PCDHGA3: variants seen among roughly 807,000 people sequenced by gnomAD.
PCDHGA3 encodes the protein protocadherin gamma subfamily A, 3.
PCDHGA3 carries 40 observed loss-of-function variants against 58.5 expected under a neutral mutation model. The ratio of observed to expected loss-of-function variants is 0.68; its 90% CI spans 0.53 to 0.89. The LOEUF (loss-of-function observed/expected upper bound fraction) is 0.89. Among genes scored for constraint, PCDHGA3 ranks in the 40% least tolerant of loss-of-function variants. The pLI, the probability that PCDHGA3 is intolerant of heterozygous loss-of-function variation, is 0.00. For synonymous variants in PCDHGA3, 530 were observed against 525.7 expected, an observed-to-expected ratio of 1.01 and a Z score of -0.11; for missense variants, 1,223 against 1,195.9, an observed-to-expected ratio of 1.02 and a Z score of -0.33.
rs754329108 is a variant in PCDHGA3 at position 141,408,309 on chromosome 5, C to T, written c.2424+61852C>T. 1.8e-5 allele frequency: 29 copies of T among 1,613,698 alleles called. No individual in the cohort carries two copies. The highest frequency in any genetic ancestry group is 2.0e-5 in the Non-Finnish European group (24 of 1,179,730). On this transcript the variant is annotated intron_variant, in intron 1 of 3. Transcript: ENST00000253812. ...ACCCTGAGTGAGCCGATCCGCTACT[C>T]GATTCCGGAGGAGCTGGCCAAGGGC...
At chr5:141,505,361 A>G (rs2099845711) in intron 2 of PCDHGA3, 32 bp from the exon 3 acceptor site, 1 of 1,613,910 alleles carries the variant, frequency 6.2e-7, no homozygotes, top group South Asian at 1.1e-5. Context: ...CCGGCCTGGG[A>G]GTCTGTGCTC....
At position 141,490,782 on chromosome 5, in the gene PCDHGA3, ACGGATCTTTGCC is replaced by A; in HGVS notation, c.2425-4023_2425-4012del. 6.2e-7 allele frequency: 1 copy of A among 1,614,054 alleles called. No individual in the cohort carries two copies. Among genetic ancestry groups the A allele is most frequent in the Non-Finnish European group, 8.5e-7 (1 of 1,179,952 alleles). ...TTGTGTATGTCAACCCAGAGGATGGACGGATCTTTGCCCAGCGTACCTTTGACTATGAATTGC... is the reference window on the plus strand; with the variant it reads ...TTGTGTATGTCAACCCAGAGGATGGACAGCGTACCTTTGACTATGAATTGC... On this transcript the variant is annotated intron_variant, in intron 1 of 3. Transcript: ENST00000253812. This position sits in a 1 kb window ranked among gnomAD's most constrained non-coding sequence, Gnocchi z 5.4.
chr5:141,399,199 C>T (rs2093768918), intron 1 of PCDHGA3: 8 of 1,613,876 alleles, frequency 5.0e-6, no homozygotes, highest in Non-Finnish European at 6.8e-6. Flanking sequence ...AAACGCGGTG[C>T]CTGGAACACT....
chr5:141,370,607 G>T, intron 1 of PCDHGA3: 1 of 1,614,004 alleles, frequency 6.2e-7, no homozygotes, highest in South Asian at 1.1e-5. Context: ...TTATTGCAGA[G>T]AAGAAATTCT....
intron 2 of PCDHGA3, 88 bp from the exon 3 acceptor site, chr5:141,505,305 C>G (rs1363643214): frequency 1.0e-5 from 16 of 1,595,104 alleles, no homozygotes; most frequent in African/African-American, 2.7e-5. Flanking sequence ...GGTTAGGGTA[C>G]TAGGTTTGGG....
In PCDHGA3 at chr5:141,493,356, C is replaced by G. The variant is rs1303319550; in HGVS notation, c.2425-1451C>G. On this transcript the variant is annotated intron_variant, in intron 1 of 3. Transcript: ENST00000253812. The surrounding 1 kb of genome is among the most constrained non-coding windows in gnomAD (Gnocchi z 4.3). ...ACTCCAGAATGTGTGCTTTTAATTT[C>G]TTGGCACTTGGAACTTTAAAAGCTT... Among the ~76,000 whole-genome samples the G allele has an allele frequency of 6.6e-6, 1 of 152,182 alleles. No individual in the cohort carries two copies. The highest frequency in any genetic ancestry group is 1.5e-5 in the Non-Finnish European group (1 of 68,032).
At chr5:141,354,991 AG>A (rs1759687682) in intron 1 of PCDHGA3, 1 of 634,544 alleles carries the variant, frequency 1.6e-6, no homozygotes, top group Non-Finnish European at 2.4e-6. Flanking sequence ...TTCACCAATC[AG>A]GGGGAAAAGA....
At chr5:141,398,529 G>A (rs375949491) in intron 1 of PCDHGA3, 2 of 1,613,544 alleles carry the variant, frequency 1.2e-6, no homozygotes, top group South Asian at 1.1e-5. Flanking sequence ...CAAAATTCAC[G>A]CAAAATTCCT....
In PCDHGA3 at chr5:141,490,951, T is replaced by C. The variant is rs778168052; in HGVS notation, c.2425-3856T>C. 20 of 1,613,640 alleles carry C rather than the reference T, an allele frequency of 1.2e-5. No homozygotes were observed. Among genetic ancestry groups the C allele is most frequent in the Middle Eastern group, 1.6e-4 (1 of 6,084 alleles). On this transcript the variant is annotated intron_variant, in intron 1 of 3. Coordinates refer to ENST00000253812, the MANE Select transcript of PCDHGA3 (RefSeq NM_018916.4). This position sits in a 1 kb window ranked among gnomAD's most constrained non-coding sequence, Gnocchi z 5.4. The stretch of plus-strand genomic sequence containing the variant: ...AGCTGTGCTGCACCCACGGCCAGAC[T>C]GGGAACACTCAGCCCCCCAGCGTCT...
At chr5:141,461,133 T>C (rs2099009646) in intron 1 of PCDHGA3, among the ~76,000 whole-genome samples, 1 of 152,086 alleles carries the variant, frequency 6.6e-6, no homozygotes, top group South Asian at 2.1e-4. Flanking sequence ...TAATTACTTA[T>C]TTTCCTTTGG....
intron 1 of PCDHGA3, chr5:141,414,421 A>C (rs1250470349): frequency 6.2e-7 from 1 of 1,613,894 alleles, no homozygotes; most frequent in East Asian, 2.2e-5. Context: ...AGCCCTTGAC[A>C]GGGAACAGGT....
intron 1 of PCDHGA3, chr5:141,356,901 C>T (rs757701298): frequency 1.2e-6 from 2 of 1,614,208 alleles, no homozygotes; most frequent in Non-Finnish European, 1.7e-6. Flanking sequence ...ACCCCACCTT[C>T]CCTACTGATG....
chr5:141,403,006 G>C (rs536630249), intron 1 of PCDHGA3: 3 of 1,613,888 alleles, frequency 1.9e-6, no homozygotes, highest in Non-Finnish European at 2.5e-6. Context: ...TGCTATGCTC[G>C]CTCCTGGGGA....
intron 1 of PCDHGA3, among the ~76,000 whole-genome samples, chr5:141,462,027 TG>T (rs1239347302): frequency 6.6e-6 from 1 of 152,220 alleles, no homozygotes; most frequent in African/African-American, 2.4e-5. Flanking sequence ...TTCTTCATGT[TG>T]GTCAGGCGGG....
chr5:141,376,304 G>T, intron 1 of PCDHGA3: 1 of 1,614,218 alleles, frequency 6.2e-7, no homozygotes, highest in Non-Finnish European at 8.5e-7. Context: ...CTCGCACTTT[G>T]TGGGCGTGGA....
intron 1 of PCDHGA3, chr5:141,413,378 T>G (rs2095632557): frequency 6.2e-7 from 1 of 1,613,616 alleles, no homozygotes; most frequent in Non-Finnish European, 8.5e-7. Context: ...GAGCGCGGAG[T>G]CCGCATAGTC....
intron 1 of PCDHGA3, chr5:141,389,202 A>G (rs2091644944): frequency 6.2e-6 from 10 of 1,613,852 alleles, no homozygotes; most frequent in Non-Finnish European, 8.5e-6. Context: ...CACCCTGCAC[A>G]TTGGTGATGT....
intron 1 of PCDHGA3, among the ~76,000 whole-genome samples, chr5:141,479,935 A>C (rs1226362422): frequency 1.3e-5 from 2 of 152,232 alleles, no homozygotes. Context: ...CATCATTGCT[A>C]TCAACTCTTG....
intron 1 of PCDHGA3, among the ~76,000 whole-genome samples, chr5:141,454,796 ATTTTTTTTTTTTTT>A (rs61612330): frequency 5.2e-5 from 4 of 77,408 alleles, no homozygotes; most frequent in Non-Finnish European, 9.3e-5. Flanking sequence ...CATGGTTCTA[ATTTTTTTTTTTTTT>A]TTTTTTTTTT....
Sources: gnomAD v4.1 joint callset for allele counts (sites outside exome capture counted in the v4.1 genomes callset) on GRCh38, gnomAD v4.1.1 for gene constraint, Gnocchi (gnomAD v3.1) non-coding constraint, MANE v1.5 for transcripts, NCBI Gene and HGNC (gene_info 2026-07-23, HGNC 2026-07-21) for gene names.